POLL: variants seen among roughly 807,000 people sequenced by gnomAD.
The protein encoded by POLL is DNA polymerase lambda.
Under a neutral mutation model 58.1 loss-of-function variants are expected in POLL, and 44 were observed. That is an observed-to-expected ratio of 0.76 (90% confidence interval 0.60 to 0.97). The LOEUF (loss-of-function observed/expected upper bound fraction) is 0.97, where lower values mean the gene tolerates loss of function less well. POLL is among the 50% of genes least tolerant of loss of function. POLL has a pLI of 0.00. For missense variants in POLL, 632 were observed against 736.8 expected (o/e 0.86, Z 1.65); for synonymous variants, 290 against 283.2 (o/e 1.02, Z -0.24).
Position 101,579,161 on chromosome 10 carries a change from T to C in POLL, c.*292A>G, listed in dbSNP as rs773804871. The C allele has an allele frequency of 2.3e-4, 93 of 408,726 alleles. No homozygotes were observed. Among genetic ancestry groups the C allele is most frequent in the Non-Finnish European group, 3.8e-4 (86 of 226,538 alleles). 25.3% of individuals were successfully genotyped at this position (408,726 alleles called of 1,614,324 possible). On this transcript the variant is annotated 3_prime_UTR_variant, in exon 9 of 9. Coordinates refer to ENST00000370162, the MANE Select transcript of POLL (RefSeq NM_001174084.2). The surrounding 1 kb of genome is among the most constrained non-coding windows in gnomAD (Gnocchi z 4.4). The stretch of plus-strand genomic sequence containing the variant: ...GGGCTTCAAACCAGCCACCTGCTCC[T>C]GCTTAAAATGGGGCAAGGGGCCATT...
Position 101,583,671 on chromosome 10 carries a change from C to G in POLL, c.902G>C (p.Ser301Thr). ...CATCCGCTTCCCAATCCCAGGGATA[C>G]TGCAGGCCTCCTAGAGGAGGAGGAG... The part of the protein sequence containing the change: ...KPVTSYQEAC[S>T]IPGIGKRMAE... Residue 301 changes from serine to threonine, a missense_variant, in exon 6 of 9, where the codon AGT becomes ACT. Transcript: ENST00000370162. 1 of 1,614,034 alleles carries G rather than the reference C, an allele frequency of 6.2e-7. No individual in the cohort carries two copies.
At chr10:101,587,701 T>G (rs1489398359) in intron 1 of POLL, 121 bp downstream of exon 1, 1 of 1,083,116 alleles carries the variant, frequency 9.2e-7, no homozygotes, top group East Asian at 5.5e-5. Flanking sequence ...AGCACAGCCC[T>G]GCTGCGGCCC....
At chr10:101,586,841 G>A (rs1180140358) in intron 2 of POLL, among the ~76,000 whole-genome samples, 2 of 152,088 alleles carry the variant, frequency 1.3e-5, no homozygotes, top group Non-Finnish European at 2.9e-5. Context: ...TCAACAAAGC[G>A]CGTTTCTTGC....
In POLL at chr10:101,587,960, G is replaced by C. The variant is rs977339504; in HGVS notation, c.-185C>G. ...GGGGAGATGGGGCACGGCCGCAGCA[G>C]GTGTGGGGAGCCCTCCGGGAATGGA... On this transcript the variant is annotated 5_prime_UTR_variant, in exon 1 of 9. Coordinates refer to ENST00000370162, the MANE Select transcript of POLL (RefSeq NM_001174084.2). 16 of 1,270,262 alleles carry C rather than the reference G, an allele frequency of 1.3e-5. No individual in the cohort carries two copies. Among genetic ancestry groups the C allele is most frequent in the Middle Eastern group, 2.2e-4 (1 of 4,630 alleles). The allele number at this position is 1,270,262 out of a possible 1,614,324, so 78.7% of individuals were successfully genotyped here.
chr10:101,582,857 G>A lies in POLL; in HGVS notation c.1100C>T (p.Ala367Val), dbSNP rs575920065. Reference sequence around the variant, plus strand: ...GATGGCCTGCTGGGTTGTCAGGGAGGCCTGGCTGCGGATGTCTTCCAGACT... The same window carrying A: ...GATGGCCTGCTGGGTTGTCAGGGAGACCTGGCTGCGGATGTCTTCCAGACT... The part of the protein sequence containing the change: ...FRSLEDIRSQ[A>V]SLTTQQAIGL... The change falls in exon 7 of 9, where the codon GCC becomes GTC. Residue 367 changes from alanine to valine, a missense_variant. Coordinates refer to ENST00000370162, the MANE Select transcript of POLL (RefSeq NM_001174084.2). 1 of 1,614,214 alleles carries A rather than the reference G, an allele frequency of 6.2e-7. No homozygotes were observed. Among genetic ancestry groups the A allele is most frequent in the African/African-American group, 1.3e-5 (1 of 75,066 alleles).
rs906988235 is a variant in POLL, at chr10:101,580,374, C to T, written c.1237G>A (p.Val413Met). The T allele has an allele frequency of 5.6e-6, 9 of 1,613,970 alleles. No individual in the cohort carries two copies. Among genetic ancestry groups the T allele is most frequent in the Non-Finnish European group, 6.8e-6 (8 of 1,180,014 alleles). ...AQAFNSGLLC[V>M]ACGSYRRGKA... Reference sequence around the variant, plus strand: ...CCCCGTCGGTATGAACCACATGCCACACACAGCAGCCCAGAGTTAAAGGCC... The same window carrying T: ...CCCCGTCGGTATGAACCACATGCCATACACAGCAGCCCAGAGTTAAAGGCC... Residue 413 changes from valine (V) to methionine (M), a missense_variant, in exon 8 of 9, where the codon GTG becomes ATG. Physicochemically the swap from Val to Met is conservative, Grantham distance 21. Coordinates refer to ENST00000370162, the MANE Select transcript of POLL (RefSeq NM_001174084.2). The surrounding 1 kb of genome is among the most constrained non-coding windows in gnomAD (Gnocchi z 4.1).
Position 101,579,710 on chromosome 10 carries a change from T to C in POLL, c.1471A>G (p.Ile491Val), listed in dbSNP as rs138242344. 2.0e-4 allele frequency: 317 copies of C among 1,613,750 alleles called. 2 individuals are homozygous for C. The African/African-American group carries it at 3.9e-3, about 20-fold the overall frequency. Reference sequence around the variant, plus strand: ...AACTCGCTATAGGGCACCACGATGATGTCCAGGCGCCGGTGCCGCCGCCCT... The same window carrying C: ...AACTCGCTATAGGGCACCACGATGACGTCCAGGCGCCGGTGCCGCCGCCCT... ...GPGRRHRRLDIIVVPYSEFAC... is the reference protein window; with the variant it reads ...GPGRRHRRLDVIVVPYSEFAC... Residue 491 changes from isoleucine to valine, a missense_variant, in exon 9 of 9, where the codon ATC becomes GTC. By Grantham distance (29) the Ile-to-Val change is conservative. Transcript: ENST00000370162. The surrounding 1 kb of genome is among the most constrained non-coding windows in gnomAD (Gnocchi z 4.4).
rs1039433519 is a variant in POLL at position 101,580,549 on chromosome 10, G to A, written c.1195-133C>T. ...ATTCCAGATGCCTGCTGCAAGCCCA[G>A]GGGAATCCACCCTGAGGAGCTGCTG... On this transcript the variant is annotated intron_variant, in intron 7 of 8. Coordinates refer to ENST00000370162, the MANE Select transcript of POLL (RefSeq NM_001174084.2). The surrounding 1 kb of genome is among the most constrained non-coding windows in gnomAD (Gnocchi z 4.1). 2.7e-5 allele frequency: 20 copies of A among 730,690 alleles called. No individual in the cohort carries two copies. The highest frequency in any genetic ancestry group is 4.3e-5 in the Non-Finnish European group (19 of 445,942). 45.3% of individuals were successfully genotyped at this position (730,690 alleles called of 1,614,324 possible). A position where few individuals can be genotyped will look rare whatever the true frequency, so the allele number is the denominator to read the frequency against.
Position 101,587,397 on chromosome 10 carries a change from G to A in POLL, c.-37C>T. The A allele has an allele frequency of 6.2e-7, 1 of 1,612,786 alleles. No homozygotes were observed. Among genetic ancestry groups the A allele is most frequent in the East Asian group, 2.2e-5 (1 of 44,830 alleles). Reference sequence around the variant, plus strand: ...TGGATCCCGGCCTATTGGAGCGTTGGTCAGGGCTGCTGCACGTGGAAATCC... The same window carrying A: ...TGGATCCCGGCCTATTGGAGCGTTGATCAGGGCTGCTGCACGTGGAAATCC... On this transcript the variant is annotated 5_prime_UTR_variant, in exon 2 of 9. Transcript: ENST00000370162.
In POLL at chr10:101,580,286, C is replaced by A; in HGVS notation, c.1325G>T (p.Gly442Val). The A allele has an allele frequency of 1.2e-6, 2 of 1,614,002 alleles. No individual in the cohort carries two copies. Among genetic ancestry groups the A allele is most frequent in the Non-Finnish European group, 8.5e-7 (1 of 1,179,990 alleles). The change falls in exon 8 of 9, where the codon GGT becomes GTT. Residue 442 changes from glycine (G) to valine (V), a missense_variant. Coordinates refer to ENST00000370162, the MANE Select transcript of POLL (RefSeq NM_001174084.2). This position sits in a 1 kb window ranked among gnomAD's most constrained non-coding sequence, Gnocchi z 4.1. ...ACTGTCAAGGAGGCGGCTGAAGATACCCCGGTGGGACCGGCCATCTGGGTG... is the reference window on the plus strand; with the variant it reads ...ACTGTCAAGGAGGCGGCTGAAGATAACCCGGTGGGACCGGCCATCTGGGTG... ...ITHPDGRSHR[G>V]IFSRLLDSLR...
chr10:101,585,035 A>C (rs1007767218), intron 4 of POLL, 116 bp from the exon 5 acceptor site: 1 of 742,142 alleles, frequency 1.3e-6, no homozygotes, highest in Non-Finnish European at 2.0e-6. Context: ...AGACCTAAGA[A>C]TGAGGCGGGG....
chr10:101,587,309 C>G lies in POLL; in HGVS notation c.52G>C (p.Ala18Pro). ...GCAAGTACTTTTGATGATGCATCAG[C>G]ATGAATTTTCTGCCGCTTGGGAAAT... ...KAFPKRQKIH[A>P]DASSKVLAKI... The change falls in exon 2 of 9, where the codon GCT becomes CCT. Residue 18 changes from alanine to proline, a missense_variant. Coordinates refer to ENST00000370162, the MANE Select transcript of POLL (RefSeq NM_001174084.2). 1 of 1,614,198 alleles carries G rather than the reference C, an allele frequency of 6.2e-7. No homozygotes were observed. Among genetic ancestry groups the G allele is most frequent in the Non-Finnish European group, 8.5e-7 (1 of 1,180,040 alleles).
In POLL at chr10:101,583,111, G is replaced by A. The variant is rs550587353; in HGVS notation, c.1066-220C>T. The A allele has an allele frequency of 1.8e-4, 111 of 630,630 alleles. 1 individual carries two copies. Among genetic ancestry groups the A allele is most frequent in the Admixed American group, 5.7e-4 (23 of 40,576 alleles). The allele number at this position is 630,630 out of a possible 1,614,324, so 39.1% of individuals were successfully genotyped here. A position where few individuals can be genotyped will look rare whatever the true frequency, so the allele number is the denominator to read the frequency against. ...GCCCTGCCACTATCCTAAGATGCTC[G>A]TTCATGATTCCATCAGTCTGAGGAT... On this transcript the variant is annotated intron_variant, in intron 6 of 8. Coordinates refer to ENST00000370162, the MANE Select transcript of POLL (RefSeq NM_001174084.2).
chr10:101,586,816 T>G (rs574539469), intron 2 of POLL, among the ~76,000 whole-genome samples: 33 of 152,082 alleles, frequency 2.2e-4, no homozygotes, highest in Non-Finnish European at 4.7e-4. Context: ...TTTGAATCCT[T>G]TATCATTTAT....
intron 6 of POLL, 53 bp from the exon 7 acceptor site, chr10:101,582,944 G>A: frequency 1.9e-6 from 3 of 1,610,936 alleles, no homozygotes; most frequent in Non-Finnish European, 2.5e-6. Context: ...CCAATGAAGA[G>A]GCATGAGTGA....
Position 101,580,327 on chromosome 10 carries a change from G to A in POLL, c.1284C>T (p.Val428=), listed in dbSNP as rs910037729. 46 of 1,613,796 alleles carry A rather than the reference G, an allele frequency of 2.9e-5. No individual in the cohort carries two copies. The highest frequency in any genetic ancestry group is 3.3e-4 in the Middle Eastern group (2 of 6,084). The change falls in exon 8 of 9, where the codon GTC becomes GTT. Residue 428 remains valine, a synonymous_variant. Coordinates refer to ENST00000370162, the MANE Select transcript of POLL (RefSeq NM_001174084.2). This position sits in a 1 kb window ranked among gnomAD's most constrained non-coding sequence, Gnocchi z 4.1. ...CATCTGGGTGAGTGATGAGCACGTC[G>A]ACATCACCACAGGTCGCCTTTCCCC... is the stretch of plus-strand genomic sequence containing the variant. ...YRRGKATCGD[V]DVLITHPDGR...
chr10:101,585,897 C>T lies in POLL; in HGVS notation c.375G>A (p.Val125=). The T allele has an allele frequency of 6.2e-7, 1 of 1,600,042 alleles. No homozygotes were observed. Among genetic ancestry groups the T allele is most frequent in the Non-Finnish European group, 8.6e-7 (1 of 1,168,518 alleles). ...TGAAGATGCTGAATCCAGCTACATC[C>T]ACCAGCCTCCTCTCCTGAAGGCACA... ...LSLCLQERRL[V]DVAGFSIFIP... is the part of the protein sequence containing the mutation. Residue 125 remains valine (V), a synonymous_variant, in exon 3 of 9, where the codon GTG becomes GTA. Coordinates refer to ENST00000370162, the MANE Select transcript of POLL (RefSeq NM_001174084.2).
At position 101,584,799 on chromosome 10, in the gene POLL, C is replaced by T. The variant is rs2063210098; in HGVS notation, c.694G>A (p.Ala232Thr). ...SLEGDCEPSPAPAVLDKWVCA... is the reference protein window; with the variant it reads ...SLEGDCEPSPTPAVLDKWVCA... ...ACCCACTTATCCAGGACAGCAGGGG[C>T]TGGGCTAGGCTCACAATCTCCCTCA... The change falls in exon 5 of 9, where the codon GCC (alanine) becomes ACC (threonine). Residue 232 changes from alanine (A) to threonine (T), a missense_variant. By Grantham distance (58) the Ala-to-Thr change is moderately conservative (BLOSUM62 0). Coordinates refer to ENST00000370162, the MANE Select transcript of POLL (RefSeq NM_001174084.2). 1.9e-6 allele frequency: 3 copies of T among 1,596,642 alleles called. No homozygotes were observed. Among genetic ancestry groups the T allele is most frequent in the South Asian group, 1.1e-5 (1 of 88,770 alleles).
chr10:101,581,061 T>C (rs574196389), intron 7 of POLL: 4 of 152,182 alleles, frequency 2.6e-5, no homozygotes, highest in South Asian at 2.1e-4. Flanking sequence ...AGCTGAAGGA[T>C]TGTCCCTCTG....
Sources: allele counts gnomAD v4.1 joint callset (sites outside exome capture counted in the v4.1 genomes callset), GRCh38; gene constraint gnomAD v4.1.1; non-coding constraint Gnocchi (gnomAD v3.1); transcripts MANE v1.5; gene names NCBI Gene and HGNC (gene_info 2026-07-23, HGNC 2026-07-21).